The following MASP1 variants were observed in gnomAD, a reference collection of about 807,000 sequenced individuals.
The protein encoded by MASP1 is mannan-binding lectin serine protease 1.
Under a neutral mutation model 77.1 loss-of-function variants are expected in MASP1, and 59 were observed. That is an observed-to-expected ratio of 0.77 (90% CI 0.62 to 0.95). MASP1 has a LOEUF of 0.95. MASP1 is among the 40% of genes least tolerant of loss of function. The probability of loss-of-function intolerance (pLI) is 0.00; values close to 1 mark genes in which losing one functional copy is unlikely to be tolerated. For synonymous variants in MASP1, 362 were observed against 354.5 expected (o/e 1.02, Z -0.24); for missense variants, 885 against 912.9 (o/e 0.97, Z 0.39).
exon 13 of MASP1, chr3:187,225,373 C>T (rs1288307807): frequency 6.2e-7 from 1 of 1,613,974 alleles, no homozygotes; most frequent in South Asian, 1.1e-5. Flanking sequence ...CGAAGGCATT[C>T]AGCACTGGGC....
intron 4 of MASP1, among the ~76,000 whole-genome samples, chr3:187,257,252 C>G (rs985140753): frequency 9.2e-5 from 14 of 152,146 alleles, no homozygotes; most frequent in African/African-American, 3.4e-4. Flanking sequence ...CTCCTACAGG[C>G]CCTTGACACA....
downstream of MASP1, among the ~76,000 whole-genome samples, chr3:187,231,700 G>A (rs538533756): frequency 2.0e-5 from 3 of 152,364 alleles, no homozygotes; most frequent in East Asian, 1.9e-4. Context: ...GAGCATCCAC[G>A]GTTTTAAGCA....
In MASP1 at chr3:187,234,648, T is replaced by C. The variant is rs781524492; in HGVS notation, c.*1036A>G. The stretch of plus-strand genomic sequence containing the variant: ...CTGCGGGGTGGATTCTCCGCCCAGC[T>C]CATGCCCCAGGGATGCCAGGCAGCC... On this transcript the variant is annotated 3_prime_UTR_variant, in exon 11 of 11. Transcript: ENST00000296280. 1.2e-5 allele frequency: 15 copies of C among 1,287,160 alleles called. No individual in the cohort carries two copies. In the South Asian group the frequency reaches 1.9e-4, roughly 16 times the overall value. 79.7% of individuals were successfully genotyped at this position (1,287,160 alleles called of 1,614,324 possible). A position where few individuals can be genotyped will look rare whatever the true frequency, so the allele number is the denominator to read the frequency against.
intron 6 of MASP1, among the ~76,000 whole-genome samples, chr3:187,252,276 C>A (rs1398596127): frequency 3.3e-5 from 5 of 152,160 alleles, no homozygotes; most frequent in Non-Finnish European, 1.5e-5. Flanking sequence ...ACACTGCATT[C>A]CTACTTAACT....
At chr3:187,267,964 G>A (rs1448186142) in intron 2 of MASP1, among the ~76,000 whole-genome samples, 1 of 152,124 alleles carries the variant, frequency 6.6e-6, no homozygotes, top group Non-Finnish European at 1.5e-5. Flanking sequence ...TAAAGACTTT[G>A]CTTTCCTGAT....
chr3:187,284,907 T>C (rs1337887804), intron 2 of MASP1, among the ~76,000 whole-genome samples: 3 of 152,368 alleles, frequency 2.0e-5, no homozygotes, highest in South Asian at 2.1e-4. Context: ...TTCTGGTTAA[T>C]ACAAGGTTAA....
At chr3:187,221,866 A>T (rs1712081416) in intron 14 of MASP1, among the ~76,000 whole-genome samples, 1 of 152,230 alleles carries the variant, frequency 6.6e-6, no homozygotes, top group Non-Finnish European at 1.5e-5. Context: ...AAAATAAGGC[A>T]TTGTGACTAT....
At chr3:187,284,523 G>T in intron 2 of MASP1, among the ~76,000 whole-genome samples, 1 of 152,270 alleles carries the variant, frequency 6.6e-6, no homozygotes, top group Admixed American at 6.5e-5. Flanking sequence ...ATTTTTAGAC[G>T]CAGAGACCTA....
rs74784100 is a variant in MASP1, at chr3:187,285,963, C to A, written c.99G>T (p.Ser33=). ...ELNNMFGQIQ[S]PGYPDSYPSD... Reference sequence around the variant, plus strand: ...TGGGATAGGAGTCTGGATAACCAGGCGACTGGATCTGGCCAAACATATTGT... The same window carrying A: ...TGGGATAGGAGTCTGGATAACCAGGAGACTGGATCTGGCCAAACATATTGT... Residue 33 remains serine, a synonymous_variant, in exon 2 of 11, where the codon TCG becomes TCT. Coordinates refer to ENST00000296280, the MANE Select transcript of MASP1 (RefSeq NM_139125.4). The A allele has an allele frequency of 1.9e-6, 3 of 1,614,078 alleles. No individual in the cohort carries two copies. The Admixed American group carries it at 5.0e-5, about 27-fold the overall frequency.
intron 2 of MASP1, among the ~76,000 whole-genome samples, chr3:187,283,022 A>G (rs995970677): frequency 5.9e-5 from 9 of 152,202 alleles, no homozygotes; most frequent in African/African-American, 1.9e-4. Context: ...AGGGTGCTGT[A>G]AAATAATATT....
intron 8 of MASP1, chr3:187,247,217 CA>C: frequency 1.3e-6 from 2 of 1,589,820 alleles, no homozygotes; most frequent in Middle Eastern, 2.1e-4. Flanking sequence ...CATTCTAATC[CA>C]CATGGAAAGG....
chr3:187,222,472 G>A (rs1712120462), intron 14 of MASP1, among the ~76,000 whole-genome samples: 1 of 152,136 alleles, frequency 6.6e-6, no homozygotes, highest in Non-Finnish European at 1.5e-5. Context: ...AATATATGTG[G>A]AAGAATTTAG....
chr3:187,233,180 C>T (rs1712873318), downstream of MASP1, among the ~76,000 whole-genome samples: 1 of 152,150 alleles, frequency 6.6e-6, no homozygotes, highest in Non-Finnish European at 1.5e-5. Flanking sequence ...ACCATGCTGC[C>T]CACCCTCAGA....
At chr3:187,221,753 T>A (rs1236135632) in intron 14 of MASP1, among the ~76,000 whole-genome samples, 1 of 152,230 alleles carries the variant, frequency 6.6e-6, no homozygotes, top group Non-Finnish European at 1.5e-5. Flanking sequence ...TCTGTCTCGA[T>A]GCTGGATCTG....
chr3:187,234,521 G>A lies in MASP1; in HGVS notation c.*1163C>T, dbSNP rs1015270489. 8 of 1,286,772 alleles carry A rather than the reference G, an allele frequency of 6.2e-6. No individual in the cohort carries two copies. The African/African-American group carries it at 1.2e-4, about 20-fold the overall frequency. 79.7% of individuals were successfully genotyped at this position (1,286,772 alleles called of 1,614,324 possible). Reference sequence around the variant, plus strand: ...ATACAGCCAGTTGGGGGCAGAGCAGGGACTAGAACCCAGGACTCCTGGCTC... The same window carrying A: ...ATACAGCCAGTTGGGGGCAGAGCAGAGACTAGAACCCAGGACTCCTGGCTC... On this transcript the variant is annotated 3_prime_UTR_variant, in exon 11 of 11. Transcript: ENST00000296280.
intron 12 of MASP1, among the ~76,000 whole-genome samples, chr3:187,226,031 T>C (rs188443387): frequency 1.7e-3 from 257 of 152,310 alleles, no homozygotes; most frequent in Non-Finnish European, 3.2e-3. Context: ...TGTCAGTAGG[T>C]AAATATGTGT....
chr3:187,234,735 A>G lies in MASP1; in HGVS notation c.*949T>C. 7.8e-7 allele frequency: 1 copy of G among 1,287,270 alleles called. No individual in the cohort carries two copies. The highest frequency in any genetic ancestry group is 1.0e-6 in the Non-Finnish European group (1 of 988,710). 79.7% of individuals were successfully genotyped at this position (1,287,270 alleles called of 1,614,324 possible). A position where few individuals can be genotyped will look rare whatever the true frequency, so the allele number is the denominator to read the frequency against. On this transcript the variant is annotated 3_prime_UTR_variant, in exon 11 of 11. Transcript: ENST00000296280. ...ACTCTTTCTTCCATTTTCCTGCCCA[A>G]AAGCACAGCAGGACACAGTGTGGGT...
At chr3:187,233,083 G>T (rs916857516), downstream of MASP1, among the ~76,000 whole-genome samples, 1 of 152,130 alleles carries the variant, frequency 6.6e-6, no homozygotes, top group African/African-American at 2.4e-5. Context: ...CCCTATGGGT[G>T]GTGGGTCTGC....
chr3:187,218,630 T>C (rs953286799), exon 16 of MASP1: 1 of 152,190 alleles, frequency 6.6e-6, no homozygotes, highest in Non-Finnish European at 1.5e-5. Context: ...TATCTTCCTC[T>C]TTTTTTTCAA....
Sources: gnomAD v4.1 joint callset for allele counts (sites outside exome capture counted in the v4.1 genomes callset) on GRCh38, gnomAD v4.1.1 for gene constraint, MANE v1.5 for transcripts, NCBI Gene and HGNC (gene_info 2026-07-23, HGNC 2026-07-21) for gene names.